The following CWC27 variants were observed in gnomAD, a reference collection of about 807,000 sequenced individuals.
The protein encoded by CWC27 is CWC27 spliceosome associated cyclophilin.
In CWC27, 47 loss-of-function variants were observed where a neutral mutation model predicts 63.6. The observed-to-expected ratio is 0.74, with a 90% CI of 0.58 to 0.94. The LOEUF is 0.94. CWC27 is among the 40% of genes least tolerant of loss of function. The pLI, the probability that CWC27 is intolerant of heterozygous loss-of-function variation, is 0.00. For synonymous variants in CWC27, 175 were observed against 179.8 expected, an observed-to-expected ratio of 0.97 and a Z score of 0.22; for missense variants, 495 against 554.3, an observed-to-expected ratio of 0.89 and a Z score of 1.07.
chr5:64,859,713 G>A (rs1012135228), intron 10 of CWC27, among the ~76,000 whole-genome samples: 1 of 152,130 alleles, frequency 6.6e-6, no homozygotes, highest in African/African-American at 2.4e-5. Flanking sequence ...GGTACTGTGT[G>A]TGCAGCAGCA....
In CWC27 at chr5:64,786,559, G is replaced by A. The variant is rs755125562; in HGVS notation, c.531G>A (p.Arg177=). ...LFNPFDDIIP[R]EIKRLKKEKP... Reference sequence around the variant, plus strand: ...ATCCTTTTGATGACATCATTCCAAGGGAAATTAAAAGGCTGAAAAAAGAGA... The same window carrying A: ...ATCCTTTTGATGACATCATTCCAAGAGAAATTAAAAGGCTGAAAAAAGAGA... Residue 177 remains arginine, a synonymous_variant, in exon 6 of 14, where the codon AGG becomes AGA. Coordinates refer to ENST00000381070, the MANE Select transcript of CWC27 (RefSeq NM_005869.4). 1 of 1,588,052 alleles carries A rather than the reference G, an allele frequency of 6.3e-7. No homozygotes were observed. The highest frequency in any genetic ancestry group is 1.2e-5 in the South Asian group (1 of 86,056).
chr5:64,825,265 A>G (rs1270992662), intron 10 of CWC27, among the ~76,000 whole-genome samples: 3 of 152,176 alleles, frequency 2.0e-5, no homozygotes, highest in Admixed American at 6.5e-5. Context: ...ATAGTTTTGC[A>G]TGTCTCTTCC....
At chr5:64,963,470 C>T (rs975401961) in intron 11 of CWC27, among the ~76,000 whole-genome samples, 1 of 152,156 alleles carries the variant, frequency 6.6e-6, no homozygotes, top group Non-Finnish European at 1.5e-5. Flanking sequence ...AAGGAAATTA[C>T]TCAGAGTATG....
At position 64,927,833 on chromosome 5, in the gene CWC27, C is replaced by A. The variant is rs1748149180; in HGVS notation, c.1042+42287C>A. ...CTTTGGATTTCTAGATTATTAACTTCTCAACCTTAATGAAATTGTTCTTTT... is the reference window on the plus strand; with the variant it reads ...CTTTGGATTTCTAGATTATTAACTTATCAACCTTAATGAAATTGTTCTTTT... On this transcript the variant is annotated intron_variant, in intron 11 of 13. Coordinates refer to ENST00000381070, the MANE Select transcript of CWC27 (RefSeq NM_005869.4). Among the ~76,000 whole-genome samples the A allele has an allele frequency of 3.3e-5, 5 of 152,302 alleles. No homozygotes were observed. The South Asian group carries it at 1.0e-3, about 32-fold the overall frequency.
intron 1 of CWC27, among the ~76,000 whole-genome samples, chr5:64,774,373 C>G (rs1217315587): frequency 6.6e-6 from 1 of 152,154 alleles, no homozygotes; most frequent in Non-Finnish European, 1.5e-5. Context: ...TCTTGAACTC[C>G]TAGCCTCAAG....
intron 13 of CWC27, among the ~76,000 whole-genome samples, chr5:65,004,909 TACACAC>T (rs61613608): frequency 0.12 from 7,553 of 65,062 alleles, 666 homozygotes; most frequent in Non-Finnish European, 0.14. Context: ...TATATATACA[TACACAC>T]ACACACACAC....
chr5:64,905,816 T>C (rs909130622), intron 11 of CWC27, among the ~76,000 whole-genome samples: 15 of 152,202 alleles, frequency 9.9e-5, no homozygotes, highest in African/African-American at 2.2e-4. Flanking sequence ...CTCCTAATGC[T>C]GTGCCTCCCC....
At chr5:64,984,806 ATTGAT>A (rs1347583851) in intron 13 of CWC27, among the ~76,000 whole-genome samples, 5 of 152,110 alleles carry the variant, frequency 3.3e-5, no homozygotes, top group Non-Finnish European at 5.9e-5. Flanking sequence ...AGTCCAGTTG[ATTGAT>A]TTATTTCCTT....
intron 10 of CWC27, among the ~76,000 whole-genome samples, chr5:64,860,349 C>T (rs187574689): frequency 1.3e-5 from 2 of 152,122 alleles, no homozygotes; most frequent in Admixed American, 6.5e-5. Context: ...AAACAAAACA[C>T]AAAACATCTC....
chr5:64,836,498 T>C (rs1343894819), intron 10 of CWC27, among the ~76,000 whole-genome samples: 1 of 151,996 alleles, frequency 6.6e-6, no homozygotes, highest in Admixed American at 6.6e-5. Context: ...AGATTTCCCT[T>C]TAATAATACT....
chr5:64,976,743 C>A lies in CWC27; in HGVS notation c.1153-392C>A, dbSNP rs190869621. 3.3e-5 allele frequency among the ~76,000 whole-genome samples: 5 copies of A among 152,166 alleles called. No individual in the cohort carries two copies. In the East Asian group the frequency reaches 9.7e-4, roughly 30 times the overall value. On this transcript the variant is annotated intron_variant, in intron 12 of 13. Transcript: ENST00000381070. ...GTGATAGAGTCTCACTACATTACCC[C>A]TGCTGGTCTTGAGGTCTTGAACTCT...
intron 10 of CWC27, among the ~76,000 whole-genome samples, chr5:64,824,168 T>C (rs1745293537): frequency 6.6e-6 from 1 of 152,204 alleles, no homozygotes; most frequent in South Asian, 2.1e-4. Flanking sequence ...ACATCTTGCT[T>C]TATTTTTTCC....
rs36078879 is a variant in CWC27, at chr5:64,879,790, CA to C, written c.939-5641del. On this transcript the variant is annotated intron_variant, in intron 10 of 13. Coordinates refer to ENST00000381070, the MANE Select transcript of CWC27 (RefSeq NM_005869.4). ...CTAAGAACAGTTGAGAAATCGGTTG[CA>C]AAAAAAAAAAATGGAAAAGCCAAAG... 3.1e-3 allele frequency among the ~76,000 whole-genome samples: 419 copies of C among 136,352 alleles called. 2 individuals are homozygous for C. The Middle Eastern group carries it at 0.048, about 16-fold the overall frequency. The allele number at this position is 136,352 out of a possible 152,430, so 89.5% of individuals were successfully genotyped here.
At chr5:64,961,654 T>C (rs1748914613) in intron 11 of CWC27, among the ~76,000 whole-genome samples, 2 of 152,182 alleles carry the variant, frequency 1.3e-5, no homozygotes, top group African/African-American at 4.8e-5. Context: ...TCTCTTAGCA[T>C]AAGAGGCACA....
chr5:64,979,912 CAT>C (rs1749303295), intron 13 of CWC27, among the ~76,000 whole-genome samples: 1 of 142,262 alleles, frequency 7.0e-6, no homozygotes, highest in Non-Finnish European at 1.5e-5. Flanking sequence ...GCTGTATTGG[CAT>C]GGTATACAAC....
At chr5:64,780,975 T>G (rs887756871) in intron 2 of CWC27, among the ~76,000 whole-genome samples, 7 of 152,192 alleles carry the variant, frequency 4.6e-5, no homozygotes, top group Admixed American at 4.6e-4. Context: ...TACTTCTTAA[T>G]GTAAATTCTC....
At chr5:64,952,431 A>C (rs2112426266) in intron 11 of CWC27, among the ~76,000 whole-genome samples, 1 of 152,034 alleles carries the variant, frequency 6.6e-6, no homozygotes, top group Non-Finnish European at 1.5e-5. Flanking sequence ...ACATATACAA[A>C]TTTTTGAGGT....
At chr5:64,885,133 C>T (rs1052830120) in intron 10 of CWC27, among the ~76,000 whole-genome samples, 1 of 151,806 alleles carries the variant, frequency 6.6e-6, no homozygotes, top group South Asian at 2.1e-4. Flanking sequence ...CCAGTATCTC[C>T]GTAAATTATT....
At chr5:64,909,304 A>G (rs906451376) in intron 11 of CWC27, among the ~76,000 whole-genome samples, 4 of 152,034 alleles carry the variant, frequency 2.6e-5, no homozygotes, top group African/African-American at 4.8e-5. Context: ...GACAGTTTCC[A>G]CTGTCAGTCT....
Sources: allele counts gnomAD v4.1 joint callset (sites outside exome capture counted in the v4.1 genomes callset), GRCh38; gene constraint gnomAD v4.1.1; transcripts MANE v1.5; gene names NCBI Gene and HGNC (gene_info 2026-07-23, HGNC 2026-07-21).